CRAT: variants seen among roughly 807,000 people sequenced by gnomAD.
CRAT encodes carnitine O-acetyltransferase.
CRAT carries 66 observed loss-of-function variants against 73.7 expected under a neutral mutation model. The observed-to-expected ratio is 0.90, with a 90% CI of 0.73 to 1.10. CRAT has a LOEUF of 1.10. Ranked by LOEUF, CRAT falls within the 50% of genes least tolerant of loss-of-function variation. CRAT has a pLI of 0.00. For missense variants in CRAT, 745 were observed against 846.9 expected, an observed-to-expected ratio of 0.88 and a Z score of 1.49; for synonymous variants, 321 against 343.2, an observed-to-expected ratio of 0.94 and a Z score of 0.71.
Position 129,102,529 on chromosome 9 carries a change from T to TGGCTTCCC in CRAT, c.493_500dup (p.Leu168GlyfsTer6). The stretch of plus-strand genomic sequence containing the variant: ...TCTGATAGTACTGGTTCATGCACAG[T>TGGCTTCCC]GGCTTCCCCCCCAGGTACTCCACGG... On this transcript the variant is annotated frameshift_variant, in exon 5 of 14. Transcript: ENST00000318080. LOFTEE classifies it high-confidence loss of function. 1 of 1,614,042 alleles carries TGGCTTCCC rather than the reference T, an allele frequency of 6.2e-7. No individual in the cohort carries two copies. Among genetic ancestry groups the TGGCTTCCC allele is most frequent in the South Asian group, 1.1e-5 (1 of 91,080 alleles).
rs773828940 is a variant in CRAT at position 129,099,910 on chromosome 9, C to A, written c.1041G>T (p.Glu347Asp). 2 of 1,613,770 alleles carry A rather than the reference C, an allele frequency of 1.2e-6. No homozygotes were observed. Among genetic ancestry groups the A allele is most frequent in the East Asian group, 4.5e-5 (2 of 44,876 alleles). Residue 347 changes from glutamate to aspartate, a missense_variant, in exon 8 of 14, where the codon GAG (glutamate) becomes GAT (aspartate). Transcript: ENST00000318080. ...CCAGAAGGGTGACAATAGGGGGCCC[C>A]TCCGCTGCAGCATGCTCGTACACAA... ...CGLVYEHAAA[E>D]GPPIVTLLDY...
In CRAT at chr9:129,095,340, G is replaced by A. The variant is rs921865724; in HGVS notation, c.*57C>T. On this transcript the variant is annotated 3_prime_UTR_variant, in exon 14 of 14. Coordinates refer to ENST00000318080, the MANE Select transcript of CRAT (RefSeq NM_000755.5). ...GAACCAAGGAGCTGAGCCCTGGTGGGTGGCCCATCCCAGGGTGGGCTTGGC... is the reference window on the plus strand; with the variant it reads ...GAACCAAGGAGCTGAGCCCTGGTGGATGGCCCATCCCAGGGTGGGCTTGGC... 7 of 1,550,492 alleles carry A rather than the reference G, an allele frequency of 4.5e-6. No homozygotes were observed. The South Asian group carries it at 6.7e-5, about 15-fold the overall frequency.
Position 129,106,542 on chromosome 9 carries a change from C to T in CRAT, c.291+1272G>A, listed in dbSNP as rs1848026000. Among the ~76,000 whole-genome samples the T allele has an allele frequency of 6.6e-6, 1 of 151,826 alleles. No homozygotes were observed. Among genetic ancestry groups the T allele is most frequent in the African/African-American group, 2.4e-5 (1 of 41,314 alleles). ...GGAGGGGTGCCCCCACCCCTTTAAC[C>T]AGGAGCTTCTGTTTGAAGGAGTCCC... On this transcript the variant is annotated intron_variant, in intron 2 of 13. Coordinates refer to ENST00000318080, the MANE Select transcript of CRAT (RefSeq NM_000755.5). The surrounding 1 kb of genome is among the most constrained non-coding windows in gnomAD (Gnocchi z 4.0).
chr9:129,098,443 G>A, intron 9 of CRAT, 72 bp from the exon 10 acceptor site: 1 of 1,597,834 alleles, frequency 6.3e-7, no homozygotes, highest in African/African-American at 1.3e-5. Flanking sequence ...GGGTCTGGGT[G>A]TCATGACAGA....
intron 1 of CRAT, chr9:129,108,469 T>A (rs905526451): frequency 2.6e-6 from 3 of 1,162,084 alleles, no homozygotes; most frequent in Non-Finnish European, 3.2e-6. Context: ...CCACGTCCTT[T>A]TCTCCCACCC....
intron 12 of CRAT, 93 bp downstream of exon 12, chr9:129,097,157 G>A (rs1847327828): frequency 2.7e-6 from 3 of 1,128,474 alleles, no homozygotes; most frequent in Non-Finnish European, 3.7e-6. Context: ...GCAAAGGGTT[G>A]GCAGCCATTG....
chr9:129,100,828 G>T, intron 6 of CRAT, 139 bp from the exon 7 acceptor site: 2 of 1,049,446 alleles, frequency 1.9e-6, no homozygotes, highest in Non-Finnish European at 2.7e-6. Context: ...CCCCCACCTC[G>T]CCGGCCCTCC....
chr9:129,109,017 C>G, intron 1 of CRAT: 2 of 1,228,386 alleles, frequency 1.6e-6, no homozygotes, highest in African/African-American at 1.6e-5. Context: ...ACTCTAGAAG[C>G]TGCTCCACCC....
At chr9:129,100,813 G>A (rs1440526074) in intron 6 of CRAT, 124 bp from the exon 7 acceptor site, 22 of 1,199,926 alleles carry the variant, frequency 1.8e-5, no homozygotes, top group Non-Finnish European at 2.4e-5. Flanking sequence ...CTGGGATGAG[G>A]AGACCCCCCA....
chr9:129,102,386 TGG>T lies in CRAT; in HGVS notation c.630+12_630+13del. ...CAGGGCCGGGGCTTGTAGGTGTGGGTGGGGGCCACCCACCTGGTAGTTGTGTA... is the reference window on the plus strand; with the variant it reads ...CAGGGCCGGGGCTTGTAGGTGTGGGTGGGCCACCCACCTGGTAGTTGTGTA... On this transcript the variant is annotated intron_variant, in intron 5 of 13. Transcript: ENST00000318080. 1 of 1,613,546 alleles carries T rather than the reference TGG, an allele frequency of 6.2e-7. No homozygotes were observed. Among genetic ancestry groups the T allele is most frequent in the Non-Finnish European group, 8.5e-7 (1 of 1,179,738 alleles).
At position 129,098,154 on chromosome 9, in the gene CRAT, G is replaced by A. The variant is rs1847407160; in HGVS notation, c.1329-6C>T. The stretch of plus-strand genomic sequence containing the variant: ...CACATGCCTGTCCGTAGATCCTGGT[G>A]GGAAATGGGGCTAAGCACGCCCCTT... On this transcript the variant is annotated splice_polypyrimidine_tract_variant and splice_region_variant and intron_variant, in intron 10 of 13. Coordinates refer to ENST00000318080, the MANE Select transcript of CRAT (RefSeq NM_000755.5). 1.2e-6 allele frequency: 2 copies of A among 1,613,644 alleles called. 1 individual carries two copies. Among genetic ancestry groups the A allele is most frequent in the South Asian group, 2.2e-5 (2 of 91,094 alleles).
In CRAT at chr9:129,095,482, T is replaced by C. The variant is rs1340537027; in HGVS notation, c.1796A>G (p.Asn599Ser). 6.2e-6 allele frequency: 10 copies of C among 1,613,288 alleles called. No individual in the cohort carries two copies. Among genetic ancestry groups the C allele is most frequent in the Non-Finnish European group, 7.6e-6 (9 of 1,179,988 alleles). ...LSAYNSCAETNAARLAHYLEK... is the reference protein window; with the variant it reads ...LSAYNSCAETSAARLAHYLEK... Reference sequence around the variant, plus strand: ...CAGGTAATGCGCCAGGCGGGCGGCGTTGGTCTCCGCGCAGCTGTTGTAGGC... The same window carrying C: ...CAGGTAATGCGCCAGGCGGGCGGCGCTGGTCTCCGCGCAGCTGTTGTAGGC... Residue 599 changes from asparagine (N) to serine (S), a missense_variant, in exon 14 of 14, where the codon AAC (asparagine) becomes AGC (serine). Physicochemically the swap from Asn to Ser is conservative, Grantham distance 46. Coordinates refer to ENST00000318080, the MANE Select transcript of CRAT (RefSeq NM_000755.5).
intron 11 of CRAT, 40 bp downstream of exon 11, chr9:129,097,973 C>A: frequency 6.2e-7 from 1 of 1,602,914 alleles, no homozygotes; most frequent in Non-Finnish European, 8.5e-7. Context: ...GAGGGAGGGG[C>A]TCAGGCCCAG....
chr9:129,110,678 G>A lies in CRAT; in HGVS notation c.-169C>T. 2.3e-6 allele frequency: 2 copies of A among 852,364 alleles called. No individual in the cohort carries two copies. The highest frequency in any genetic ancestry group is 3.3e-6 in the Non-Finnish European group (2 of 597,456). The allele number at this position is 852,364 out of a possible 1,614,324, so 52.8% of individuals were successfully genotyped here. A position where few individuals can be genotyped will look rare whatever the true frequency, so the allele number is the denominator to read the frequency against. ...GAGGCAGCCCCGCGCCCACCCTCTG[G>A]GCCGAGCGGGCTGCGGGAAGGCACC... On this transcript the variant is annotated 5_prime_UTR_variant, in exon 1 of 14. Transcript: ENST00000318080. This position sits in a 1 kb window ranked among gnomAD's most constrained non-coding sequence, Gnocchi z 5.3.
chr9:129,108,045 G>C lies in CRAT; in HGVS notation c.60C>G (p.Ser20=). 1 of 1,536,310 alleles carries C rather than the reference G, an allele frequency of 6.5e-7. No homozygotes were observed. The highest frequency in any genetic ancestry group is 8.7e-7 in the Non-Finnish European group (1 of 1,145,396). Residue 20 remains serine, a synonymous_variant, in exon 2 of 14, where the codon TCC becomes TCG. Coordinates refer to ENST00000318080, the MANE Select transcript of CRAT (RefSeq NM_000755.5). Reference sequence around the variant, plus strand: ...TGAAGCGGCTGGAAGCCTTCATCAAGGAGAAGGGCTTCAGGAAGCCCAGAG... The same window carrying C: ...TGAAGCGGCTGGAAGCCTTCATCAACGAGAAGGGCTTCAGGAAGCCCAGAG... ...VKPLGFLKPF[S]LMKASSRFKA...
chr9:129,106,276 G>T lies in CRAT; in HGVS notation c.291+1538C>A, dbSNP rs992653886. Among the ~76,000 whole-genome samples, 1 of 152,172 alleles carries T rather than the reference G, an allele frequency of 6.6e-6. No homozygotes were observed. The highest frequency in any genetic ancestry group is 2.4e-5 in the African/African-American group (1 of 41,430). The stretch of plus-strand genomic sequence containing the variant: ...CGAGGGCTTCCTTGAGAGCTGCTGT[G>T]TGGCTCTGGGCTTTTGGGCCACCTC... On this transcript the variant is annotated intron_variant, in intron 2 of 13. Coordinates refer to ENST00000318080, the MANE Select transcript of CRAT (RefSeq NM_000755.5). The surrounding 1 kb of genome is among the most constrained non-coding windows in gnomAD (Gnocchi z 4.0).
chr9:129,109,295 G>A, intron 1 of CRAT: 1 of 1,303,154 alleles, frequency 7.7e-7, no homozygotes, highest in Non-Finnish European at 1.0e-6. Context: ...TAGGGTTGGT[G>A]CAAGGGAGCA....
Position 129,102,060 on chromosome 9 carries a change from G to A in CRAT, c.631-3C>T, listed in dbSNP as rs767700154. The A allele has an allele frequency of 1.3e-5, 21 of 1,613,474 alleles. No homozygotes were observed. In the African/African-American group the frequency reaches 2.4e-4, roughly 18 times the overall value. ...TGGTACACATCCAGCTCAAAAAACT[G>A]TTGGGGCACAGGCAGGTAAGAGGAG... On this transcript the variant is annotated splice_region_variant and splice_polypyrimidine_tract_variant and intron_variant, in intron 5 of 13. Transcript: ENST00000318080.
At chr9:129,101,039 A>G (rs1175211220) in intron 6 of CRAT, among the ~76,000 whole-genome samples, 3 of 152,202 alleles carry the variant, frequency 2.0e-5, no homozygotes, top group Non-Finnish European at 4.4e-5. Flanking sequence ...AATGCCCCTG[A>G]GCAAGACATG....
Sources: gnomAD v4.1 joint callset for allele counts (sites outside exome capture counted in the v4.1 genomes callset) on GRCh38, gnomAD v4.1.1 for gene constraint, Gnocchi (gnomAD v3.1) non-coding constraint, MANE v1.5 for transcripts, NCBI Gene and HGNC (gene_info 2026-07-23, HGNC 2026-07-21) for gene names.